COL13A1: variants seen among roughly 807,000 people sequenced by gnomAD.
COL13A1 encodes collagen alpha-1(XIII) chain.
A neutral mutation model predicts 130.9 loss-of-function variants in COL13A1; 89 were observed. The observed-to-expected ratio is 0.68, with a 90% CI of 0.57 to 0.81. The LOEUF (loss-of-function observed/expected upper bound fraction) is 0.81, where lower values mean the gene tolerates loss of function less well. Among genes scored for constraint, COL13A1 ranks in the 30% least tolerant of loss-of-function variants. The probability of loss-of-function intolerance (pLI) is 0.00; values close to 1 mark genes in which losing one functional copy is unlikely to be tolerated. For synonymous variants in COL13A1, 402 were observed against 341.6 expected, an observed-to-expected ratio of 1.18 and a Z score of -1.95; for missense variants, 879 against 934.6, an observed-to-expected ratio of 0.94 and a Z score of 0.78.
chr10:69,822,530 C>T (rs1417455636), intron 2 of COL13A1, 92 bp downstream of exon 2: 14 of 913,710 alleles, frequency 1.5e-5, no homozygotes, highest in Non-Finnish European at 2.0e-5. Context: ...ACACCTCACT[C>T]AGGCCGTCAC....
intron 2 of COL13A1, among the ~76,000 whole-genome samples, chr10:69,832,317 G>A (rs1849012695): frequency 6.6e-6 from 1 of 152,216 alleles, no homozygotes; most frequent in Non-Finnish European, 1.5e-5. Context: ...ATTTGTCACA[G>A]GTTTAGGGGC....
rs1216619722 is a variant in COL13A1 at position 69,802,534 on chromosome 10, A to C, written c.111A>C (p.Ala37=). The C allele has an allele frequency of 6.3e-7, 1 of 1,589,658 alleles. No individual in the cohort carries two copies. Among genetic ancestry groups the C allele is most frequent in the Non-Finnish European group, 8.5e-7 (1 of 1,170,846 alleles). The part of the protein sequence containing the change: ...ALVAARAERG[A]RLPSPGSCGL... ...TGGCGGCGCGGGCGGAGCGCGGCGC[A>C]CGGCTGCCGAGTCCAGGGTCGTGCG... The change falls in exon 1 of 41, where the codon GCA becomes GCC. Residue 37 remains alanine (A), a synonymous_variant. Coordinates refer to ENST00000645393, the MANE Select transcript of COL13A1 (RefSeq NM_001368882.1).
At chr10:69,949,706 C>A (rs1318621528) in intron 38 of COL13A1, among the ~76,000 whole-genome samples, 1 of 152,178 alleles carries the variant, frequency 6.6e-6, no homozygotes, top group African/African-American at 2.4e-5. Flanking sequence ...TCCCTTTCCC[C>A]TAAGTAGCTC....
At chr10:69,947,586 G>A (rs1383510793) in intron 38 of COL13A1, among the ~76,000 whole-genome samples, 7 of 152,098 alleles carry the variant, frequency 4.6e-5, no homozygotes, top group African/African-American at 1.7e-4. Flanking sequence ...GCAGCCACCA[G>A]CTTAGCATTG....
At chr10:69,922,600 G>A (rs1488413002) in intron 22 of COL13A1, 108 bp from the exon 23 acceptor site, 4 of 623,306 alleles carry the variant, frequency 6.4e-6, no homozygotes, top group African/African-American at 5.7e-5. Flanking sequence ...GATTCTGAAG[G>A]CCCCTGGTCC....
intron 17 of COL13A1, among the ~76,000 whole-genome samples, chr10:69,907,908 G>T (rs200443952): frequency 6.6e-6 from 1 of 152,200 alleles, no homozygotes; most frequent in African/African-American, 2.4e-5. Context: ...CCTCTTAAAG[G>T]TCCCACCTCT....
intron 3 of COL13A1, among the ~76,000 whole-genome samples, chr10:69,869,016 C>T (rs898276444): frequency 1.3e-5 from 2 of 152,120 alleles, no homozygotes; most frequent in African/African-American, 2.4e-5. Flanking sequence ...GGGCCTCCTG[C>T]ACACACCTCA....
chr10:69,864,650 C>T (rs1175620149), intron 2 of COL13A1, among the ~76,000 whole-genome samples: 1 of 152,172 alleles, frequency 6.6e-6, no homozygotes, highest in Non-Finnish European at 1.5e-5. Context: ...AACGAACATA[C>T]AAAAAGTGGT....
intron 7 of COL13A1, among the ~76,000 whole-genome samples, chr10:69,885,773 T>A (rs543495833): frequency 6.6e-6 from 1 of 152,356 alleles, no homozygotes; most frequent in Non-Finnish European, 1.5e-5. Flanking sequence ...CATTGTGTGG[T>A]TTCCGGGTTT....
chr10:69,958,252 C>A (rs908931638), intron 40 of COL13A1, among the ~76,000 whole-genome samples: 1 of 152,134 alleles, frequency 6.6e-6, no homozygotes, highest in African/African-American at 2.4e-5. Context: ...GAACCCTTGA[C>A]CCCTAAAAAA....
At chr10:69,823,530 GCTGGCCCTCCT>G (rs1846666087) in intron 2 of COL13A1, among the ~76,000 whole-genome samples, 1 of 152,206 alleles carries the variant, frequency 6.6e-6, no homozygotes, top group Non-Finnish European at 1.5e-5. Context: ...GGGCTCTCTG[GCTGGCCCTCCT>G]CTGGCCTCAG....
intron 21 of COL13A1, among the ~76,000 whole-genome samples, chr10:69,920,110 C>T (rs2064439660): frequency 6.6e-6 from 1 of 152,324 alleles, no homozygotes; most frequent in South Asian, 2.1e-4. Flanking sequence ...CTGCCAGGGC[C>T]TCTGCCTGGC....
At chr10:69,926,126 C>T (rs548791075) in intron 26 of COL13A1, 6 of 514,622 alleles carry the variant, frequency 1.2e-5, no homozygotes, top group African/African-American at 7.7e-5. Flanking sequence ...AGTTATCCTG[C>T]CTCAGGGCCC....
At chr10:69,923,771 G>A (rs1300207666) in intron 23 of COL13A1, 31 bp from the exon 24 acceptor site, 1 of 1,601,986 alleles carries the variant, frequency 6.2e-7, no homozygotes, top group Non-Finnish European at 8.5e-7. Flanking sequence ...TGCCCAGCAT[G>A]CCCTCATCCC....
At position 69,947,322 on chromosome 10, in the gene COL13A1, C is replaced by T. The variant is rs1042726653; in HGVS notation, c.2038C>T (p.Pro680Ser). The T allele has an allele frequency of 6.2e-7, 1 of 1,612,990 alleles. No individual in the cohort carries two copies. The highest frequency in any genetic ancestry group is 1.3e-5 in the African/African-American group (1 of 74,866). Residue 680 changes from proline (P) to serine (S), a missense_variant, in exon 38 of 41, where the codon CCC becomes TCC. Transcript: ENST00000645393. Reference sequence around the variant, plus strand: ...TCTCTTGCAGGGTTTACATGGACCACCCGGGGACAAGGGAAACCGGGTGAG... The same window carrying T: ...TCTCTTGCAGGGTTTACATGGACCATCCGGGGACAAGGGAAACCGGGTGAG... The part of the protein sequence containing the change: ...AAGLPGLHGP[P>S]GDKGNRGERG...
chr10:69,925,955 C>T, intron 26 of COL13A1, 83 bp downstream of exon 26: 1 of 1,191,832 alleles, frequency 8.4e-7, no homozygotes, highest in Admixed American at 2.0e-5. Context: ...CCCTTCCACA[C>T]AGCCGAGTAG....
intron 2 of COL13A1, among the ~76,000 whole-genome samples, chr10:69,836,427 G>C (rs554901237): frequency 1.3e-5 from 2 of 152,234 alleles, no homozygotes; most frequent in Admixed American, 1.3e-4. Context: ...CTGGGACTCA[G>C]AAGGGACCCC....
At chr10:69,889,268 C>T (rs1287943358) in intron 9 of COL13A1, 146 bp from the exon 10 acceptor site, 5 of 1,041,568 alleles carry the variant, frequency 4.8e-6, no homozygotes, top group Non-Finnish European at 7.1e-6. Flanking sequence ...GTGCACAAGC[C>T]AGAAGGTGCA....
In COL13A1 at chr10:69,928,934, T is replaced by G; in HGVS notation, c.1423-3T>G. 1 of 1,612,406 alleles carries G rather than the reference T, an allele frequency of 6.2e-7. No individual in the cohort carries two copies. The highest frequency in any genetic ancestry group is 8.5e-7 in the Non-Finnish European group (1 of 1,178,728). On this transcript the variant is annotated splice_polypyrimidine_tract_variant and splice_region_variant and intron_variant, in intron 27 of 40. Coordinates refer to ENST00000645393, the MANE Select transcript of COL13A1 (RefSeq NM_001368882.1). The stretch of plus-strand genomic sequence containing the variant: ...TTCCATGTGTCTTTCCTTTCTCTCC[T>G]AGGGGCCTCCTGGTCTTCCTGGGCA...
Sources: gnomAD v4.1 joint callset for allele counts (sites outside exome capture counted in the v4.1 genomes callset) on GRCh38, gnomAD v4.1.1 for gene constraint, MANE v1.5 for transcripts, NCBI Gene and HGNC (gene_info 2026-07-23, HGNC 2026-07-21) for gene names.